NRCAM: variants seen among roughly 807,000 people sequenced by gnomAD.
The protein encoded by NRCAM is neuronal cell adhesion molecule.
Under a neutral mutation model 156.5 loss-of-function variants are expected in NRCAM, and 83 were observed. The ratio of observed to expected loss-of-function variants is 0.53; its 90% CI spans 0.44 to 0.64. NRCAM has a LOEUF of 0.64. Among genes scored for constraint, NRCAM ranks in the 30% least tolerant of loss-of-function variants. NRCAM has a pLI of 0.00. For missense variants in NRCAM, 1,417 were observed against 1,597.3 expected (o/e 0.89, Z 1.92); for synonymous variants, 538 against 563.9 (o/e 0.95, Z 0.65).
chr7:108,404,595 G>C (rs866228238), intron 1 of NRCAM, among the ~76,000 whole-genome samples: 4 of 152,236 alleles, frequency 2.6e-5, no homozygotes, highest in Middle Eastern at 3.4e-3. Flanking sequence ...CCCATATGCA[G>C]GCAAAATGAC....
At chr7:108,294,295 G>A (rs1199134607) in intron 3 of NRCAM, among the ~76,000 whole-genome samples, 3 of 144,038 alleles carry the variant, frequency 2.1e-5, no homozygotes, top group Non-Finnish European at 4.5e-5. Context: ...GGACTTTCAG[G>A]AACAAGCTCA....
intron 1 of NRCAM, among the ~76,000 whole-genome samples, chr7:108,412,335 T>C (rs1328877084): frequency 1.3e-5 from 2 of 152,182 alleles, no homozygotes; most frequent in Non-Finnish European, 2.9e-5. Flanking sequence ...ACCTGGCGTT[T>C]TGCTCAGATT....
intron 17 of NRCAM, among the ~76,000 whole-genome samples, chr7:108,193,608 A>G (rs185271665): frequency 3.7e-4 from 57 of 152,312 alleles, no homozygotes; most frequent in African/African-American, 1.3e-3. Context: ...CTCCCTATCC[A>G]AATAAAAACG....
intron 1 of NRCAM, among the ~76,000 whole-genome samples, chr7:108,422,657 G>T (rs1450426250): frequency 6.6e-6 from 1 of 151,742 alleles, no homozygotes; most frequent in East Asian, 1.9e-4. Flanking sequence ...GGAAGCTGAG[G>T]ACTGAAGTGA....
intron 2 of NRCAM, among the ~76,000 whole-genome samples, chr7:108,390,186 AC>A (rs2099755132): frequency 6.6e-6 from 1 of 151,964 alleles, no homozygotes; most frequent in African/African-American, 2.4e-5. Flanking sequence ...CTGGTCCTGG[AC>A]TTTTTTTGGT....
At chr7:108,254,129 A>C (rs963609597) in intron 3 of NRCAM, among the ~76,000 whole-genome samples, 2 of 152,258 alleles carry the variant, frequency 1.3e-5, no homozygotes, top group Non-Finnish European at 2.9e-5. Context: ...AAAAACTGAT[A>C]AACTTAACAT....
intron 3 of NRCAM, among the ~76,000 whole-genome samples, chr7:108,287,951 A>C (rs1325068289): frequency 1.3e-5 from 2 of 152,176 alleles, no homozygotes; most frequent in African/African-American, 4.8e-5. Flanking sequence ...ATAATAGCAA[A>C]GTTATGGAAT....
chr7:108,415,400 T>C (rs532207321), intron 1 of NRCAM, among the ~76,000 whole-genome samples: 1 of 152,338 alleles, frequency 6.6e-6, no homozygotes, highest in East Asian at 1.9e-4. Flanking sequence ...TTTTGTGTCG[T>C]CTTTCTCAAA....
chr7:108,182,704 CA>C lies in NRCAM; in HGVS notation c.2520del (p.Gly841GlufsTer14), dbSNP rs776501904. ...AAATGGCATCACTTACGGTCTTCTCCAGAATGTCCCATGACTACAGCTGGCT... is the reference window on the plus strand; with the variant it reads ...AAATGGCATCACTTACGGTCTTCTCCGAATGTCCCATGACTACAGCTGGCT... The part of the protein sequence containing the change: ...APEPAVVMGH[S>X]GEDLPMVAPG... On this transcript the variant is annotated frameshift_variant, in exon 23 of 33. Transcript: ENST00000379028. LOFTEE classifies it high-confidence loss of function. 6.2e-7 allele frequency: 1 copy of C among 1,614,092 alleles called. No individual in the cohort carries two copies. The highest frequency in any genetic ancestry group is 1.7e-5 in the Admixed American group (1 of 60,030).
chr7:108,185,024 T>G (rs1437106873), intron 20 of NRCAM, among the ~76,000 whole-genome samples: 6 of 152,108 alleles, frequency 3.9e-5, no homozygotes, highest in Non-Finnish European at 7.4e-5. Flanking sequence ...CTAAAAAGTT[T>G]AAATATATGA....
At chr7:108,279,165 A>T (rs1459998233) in intron 3 of NRCAM, among the ~76,000 whole-genome samples, 1 of 152,228 alleles carries the variant, frequency 6.6e-6, no homozygotes, top group African/African-American at 2.4e-5. Flanking sequence ...GTTTCCTGGC[A>T]TAAGTGTAGC....
intron 1 of NRCAM, among the ~76,000 whole-genome samples, chr7:108,423,749 C>A (rs150717456): frequency 6.6e-6 from 1 of 152,354 alleles, no homozygotes; most frequent in African/African-American, 2.4e-5. Flanking sequence ...CTCTACCACT[C>A]GGTGTCATCA....
intron 3 of NRCAM, among the ~76,000 whole-genome samples, chr7:108,294,139 T>C (rs1322867411): frequency 3.3e-5 from 5 of 150,866 alleles, no homozygotes; most frequent in South Asian, 2.1e-4. Flanking sequence ...AGCAGTAGGG[T>C]TGATGTGATT....
chr7:108,369,253 T>C (rs1195555918), intron 2 of NRCAM, among the ~76,000 whole-genome samples: 3 of 152,098 alleles, frequency 2.0e-5, no homozygotes, highest in East Asian at 3.8e-4. Flanking sequence ...AAACATCTAA[T>C]TTATAAGTGT....
At chr7:108,283,593 C>T (rs1173064375) in intron 3 of NRCAM, among the ~76,000 whole-genome samples, 1 of 152,148 alleles carries the variant, frequency 6.6e-6, no homozygotes, top group Non-Finnish European at 1.5e-5. Flanking sequence ...AAGGCTGGAT[C>T]ACTTCCAGGA....
chr7:108,199,374 G>A (rs944637889), intron 13 of NRCAM, among the ~76,000 whole-genome samples: 15 of 152,068 alleles, frequency 9.9e-5, no homozygotes, highest in Non-Finnish European at 2.9e-5. Flanking sequence ...AGTTTTCCAC[G>A]GTTGCTGTAA....
intron 3 of NRCAM, among the ~76,000 whole-genome samples, chr7:108,277,589 G>A (rs1197200149): frequency 1.3e-5 from 2 of 151,892 alleles, no homozygotes; most frequent in Non-Finnish European, 2.9e-5. Context: ...GCTCCATCAG[G>A]TCATTTGAGG....
At chr7:108,449,327 G>C (rs1274936589) in intron 1 of NRCAM, among the ~76,000 whole-genome samples, 9 of 152,188 alleles carry the variant, frequency 5.9e-5, no homozygotes, top group Admixed American at 5.2e-4. Flanking sequence ...CATGAAGCTT[G>C]AATTCCTTTT....
At chr7:108,220,621 G>T (rs1298254339) in intron 11 of NRCAM, among the ~76,000 whole-genome samples, 1 of 152,148 alleles carries the variant, frequency 6.6e-6, no homozygotes, top group Non-Finnish European at 1.5e-5. Context: ...TCAATAATTG[G>T]TGTTGGGATA....
Sources: allele counts gnomAD v4.1 joint callset (sites outside exome capture counted in the v4.1 genomes callset), GRCh38; gene constraint gnomAD v4.1.1; transcripts MANE v1.5; gene names NCBI Gene and HGNC (gene_info 2026-07-23, HGNC 2026-07-21).